The following HNRNPC variants were observed in gnomAD, a reference collection of about 807,000 sequenced individuals.
The protein encoded by HNRNPC is heterogeneous nuclear ribonucleoprotein C.
In HNRNPC, 3 loss-of-function variants were observed where a neutral mutation model predicts 33.2. The ratio of observed to expected loss-of-function variants is 0.09; its 90% CI spans 0.04 to 0.23. The LOEUF (loss-of-function observed/expected upper bound fraction) is 0.23. Among genes scored for constraint, HNRNPC ranks in the 10% least tolerant of loss-of-function variants. HNRNPC has a pLI of 1.00. For missense variants in HNRNPC, 143 were observed against 366.7 expected, an observed-to-expected ratio of 0.39 and a Z score of 4.98; for synonymous variants, 121 against 126.7, an observed-to-expected ratio of 0.96 and a Z score of 0.30.
intron 2 of HNRNPC, among the ~76,000 whole-genome samples, chr14:21,236,990 A>C (rs551184996): frequency 1.1e-4 from 16 of 152,368 alleles, no homozygotes; most frequent in African/African-American, 3.8e-4. Flanking sequence ...TTAGAAATAC[A>C]AGAATACCAA....
chr14:21,217,795 A>T (rs1422012849), intron 5 of HNRNPC, among the ~76,000 whole-genome samples: 3 of 152,238 alleles, frequency 2.0e-5, no homozygotes, highest in Admixed American at 1.3e-4. Context: ...ACTTATTTTA[A>T]GAGGAATAAA....
chr14:21,256,866 C>G (rs184895583), intron 2 of HNRNPC, among the ~76,000 whole-genome samples: 216 of 152,170 alleles, frequency 1.4e-3, no homozygotes, highest in African/African-American at 5.0e-3. Context: ...GTTGCCCAGG[C>G]CGGTCTCAAA....
At chr14:21,266,414 T>TAAA (rs1310221646) in intron 1 of HNRNPC, among the ~76,000 whole-genome samples, 2 of 152,036 alleles carry the variant, frequency 1.3e-5, no homozygotes, top group African/African-American at 4.8e-5. Context: ...ATCAATTCTT[T>TAAA]AAACAAAATG....
At chr14:21,222,068 CTGAAAAACACA>C (rs1423814772) in intron 5 of HNRNPC, among the ~76,000 whole-genome samples, 2 of 111,900 alleles carry the variant, frequency 1.8e-5, no homozygotes, top group Non-Finnish European at 3.7e-5. Context: ...AAAAAAAAAG[CTGAAAAACACA>C]TGAAAAGACA....
At chr14:21,268,482 G>T (rs1879389876) in intron 1 of HNRNPC, 1 of 152,132 alleles carries the variant, frequency 6.6e-6, no homozygotes. Context: ...TATTAACTAG[G>T]TATTCCATTA....
At chr14:21,240,741 G>C (rs1270570803) in intron 2 of HNRNPC, among the ~76,000 whole-genome samples, 1 of 152,118 alleles carries the variant, frequency 6.6e-6, no homozygotes, top group African/African-American at 2.4e-5. Context: ...GTTAAACAAA[G>C]TACAAGATGT....
At chr14:21,227,462 T>C (rs938372637) in intron 5 of HNRNPC, among the ~76,000 whole-genome samples, 4 of 152,246 alleles carry the variant, frequency 2.6e-5, no homozygotes, top group African/African-American at 9.6e-5. Context: ...TCACTGACAA[T>C]AACATGCAGC....
chr14:21,239,073 G>C (rs543974120), intron 2 of HNRNPC, among the ~76,000 whole-genome samples: 2 of 151,844 alleles, frequency 1.3e-5, no homozygotes, highest in African/African-American at 4.8e-5. Flanking sequence ...GCAGTGAGCC[G>C]AGATCGTGCT....
chr14:21,215,726 C>T (rs1176274554), intron 5 of HNRNPC, among the ~76,000 whole-genome samples: 2 of 151,786 alleles, frequency 1.3e-5, no homozygotes, highest in Admixed American at 6.6e-5. Flanking sequence ...GGGGAAACCC[C>T]GTGTATACTA....
intron 2 of HNRNPC, among the ~76,000 whole-genome samples, chr14:21,254,296 G>C (rs975523766): frequency 3.3e-5 from 5 of 151,974 alleles, no homozygotes; most frequent in Non-Finnish European, 7.4e-5. Flanking sequence ...GTATTATAGA[G>C]TATATAATAC....
intron 1 of HNRNPC, chr14:21,264,584 T>A (rs1878677380): frequency 6.6e-6 from 1 of 152,248 alleles, no homozygotes; most frequent in African/African-American, 2.4e-5. Flanking sequence ...AATACCACAC[T>A]AAAATAATTT....
intron 2 of HNRNPC, among the ~76,000 whole-genome samples, chr14:21,235,334 G>C (rs1277435862): frequency 1.3e-5 from 2 of 152,028 alleles, no homozygotes; most frequent in Non-Finnish European, 2.9e-5. Flanking sequence ...ATCCTCAAGT[G>C]AATCATGACA....
chr14:21,250,161 G>T (rs1249120832), intron 2 of HNRNPC, among the ~76,000 whole-genome samples: 2 of 151,946 alleles, frequency 1.3e-5, no homozygotes, highest in South Asian at 4.2e-4. Context: ...GCCAAGGCAG[G>T]GGAATTGCTG....
rs1891561107 is a variant in HNRNPC at position 21,211,291 on chromosome 14, C to A, written c.814G>T (p.Asp272Tyr). The change falls in exon 9 of 9, where the codon GAT becomes TAT. Residue 272 changes from aspartate (D) to tyrosine (Y), a missense_variant. Asp to Tyr is a radical substitution (Grantham distance 160). Coordinates refer to ENST00000553300, the MANE Select transcript of HNRNPC (RefSeq NM_004500.4). Reference protein sequence around the residue: ...RGDDQLELIKDDEKEAEEGED... With the variant: ...RGDDQLELIKYDEKEAEEGED... Reference sequence around the variant, plus strand: ...CCTTCCTCAGCCTCTTTTTCATCATCCTTGATCAACTCCAGCTGTGAGAAA... The same window carrying A: ...CCTTCCTCAGCCTCTTTTTCATCATACTTGATCAACTCCAGCTGTGAGAAA... The A allele has an allele frequency of 6.2e-7, 1 of 1,614,176 alleles. No individual in the cohort carries two copies. Among genetic ancestry groups the A allele is most frequent in the Non-Finnish European group, 8.5e-7 (1 of 1,180,026 alleles).
chr14:21,232,220 T>C (rs1894195137), intron 3 of HNRNPC, among the ~76,000 whole-genome samples: 1 of 151,974 alleles, frequency 6.6e-6, no homozygotes, highest in Non-Finnish European at 1.5e-5. Context: ...AGCCAAAAAC[T>C]CTCTAAAATT....
chr14:21,226,691 CCAA>C (rs1893477822), intron 5 of HNRNPC, among the ~76,000 whole-genome samples: 1 of 151,900 alleles, frequency 6.6e-6, no homozygotes, highest in African/African-American at 2.4e-5. Context: ...ACCGGCCTGG[CCAA>C]CGTGGACAAA....
chr14:21,235,958 G>A (rs1894652622), intron 2 of HNRNPC, among the ~76,000 whole-genome samples: 1 of 152,134 alleles, frequency 6.6e-6, no homozygotes. Flanking sequence ...ATGGACATTT[G>A]CAGAAAAATA....
intron 2 of HNRNPC, among the ~76,000 whole-genome samples, chr14:21,248,060 A>G (rs1896199282): frequency 6.6e-6 from 1 of 152,084 alleles, no homozygotes; most frequent in African/African-American, 2.4e-5. Context: ...CCTTAAAATG[A>G]GGTCACATTT....
At chr14:21,244,864 T>C (rs1895783911) in intron 2 of HNRNPC, among the ~76,000 whole-genome samples, 1 of 152,022 alleles carries the variant, frequency 6.6e-6, no homozygotes, top group Non-Finnish European at 1.5e-5. Flanking sequence ...TTCACGCCTG[T>C]AATCCCAACA....
Sources: allele counts gnomAD v4.1 joint callset (sites outside exome capture counted in the v4.1 genomes callset), GRCh38; gene constraint gnomAD v4.1.1; transcripts MANE v1.5; gene names NCBI Gene and HGNC (gene_info 2026-07-23, HGNC 2026-07-21).